RIMS1: variants seen among roughly 807,000 people sequenced by gnomAD.
RIMS1 encodes regulating synaptic membrane exocytosis protein 1.
Under a neutral mutation model 214.1 loss-of-function variants are expected in RIMS1, and 83 were observed. The ratio of observed to expected loss-of-function variants is 0.39; its 90% CI spans 0.32 to 0.47. The LOEUF is 0.47. RIMS1 is among the 20% of genes least tolerant of loss of function. The pLI, the probability that RIMS1 is intolerant of heterozygous loss-of-function variation, is 0.99. For missense variants in RIMS1, 2,050 were observed against 2,161.8 expected, an observed-to-expected ratio of 0.95 and a Z score of 1.03; for synonymous variants, 793 against 786.8, an observed-to-expected ratio of 1.01 and a Z score of -0.13.
intron 4 of RIMS1, among the ~76,000 whole-genome samples, chr6:72,155,692 T>G (rs2044345762): frequency 7.1e-6 from 1 of 140,116 alleles, no homozygotes; most frequent in African/African-American, 2.5e-5. Flanking sequence ...TTTAAAACCA[T>G]CAGATCTAGT....
At chr6:71,896,732 C>T (rs1280808593) in intron 1 of RIMS1, among the ~76,000 whole-genome samples, 1 of 152,168 alleles carries the variant, frequency 6.6e-6, no homozygotes, top group African/African-American at 2.4e-5. Context: ...GAAGCTCCCT[C>T]TTGCCCTTGC....
chr6:72,088,605 G>A (rs1409700471), intron 2 of RIMS1, among the ~76,000 whole-genome samples: 1 of 152,104 alleles, frequency 6.6e-6, no homozygotes, highest in Non-Finnish European at 1.5e-5. Context: ...AGGAATTCAT[G>A]TTGCTCTCAT....
chr6:71,917,994 A>T (rs191314019), intron 1 of RIMS1, among the ~76,000 whole-genome samples: 29 of 152,192 alleles, frequency 1.9e-4, no homozygotes, highest in African/African-American at 7.0e-4. Flanking sequence ...GGACATGTAA[A>T]CTTTGAGATG....
chr6:72,262,902 A>G (rs2078693758), intron 19 of RIMS1: 1 of 496,086 alleles, frequency 2.0e-6, no homozygotes, highest in Non-Finnish European at 2.6e-6. Flanking sequence ...TTTAATAACA[A>G]GCACAGTGTT....
intron 23 of RIMS1, among the ~76,000 whole-genome samples, chr6:72,283,027 A>G (rs1251291628): frequency 6.6e-6 from 1 of 152,064 alleles, no homozygotes; most frequent in Non-Finnish European, 1.5e-5. Flanking sequence ...ATGTGTTCCT[A>G]GTGCCTAGCA....
chr6:72,352,076 G>C (rs913851192), intron 29 of RIMS1, among the ~76,000 whole-genome samples: 1 of 152,206 alleles, frequency 6.6e-6, no homozygotes, highest in Non-Finnish European at 1.5e-5. Flanking sequence ...CATTGAAGTT[G>C]GCCGAGGAGG....
At chr6:72,396,080 T>C (rs1454443562) in intron 31 of RIMS1, among the ~76,000 whole-genome samples, 4 of 152,014 alleles carry the variant, frequency 2.6e-5, no homozygotes, top group African/African-American at 9.7e-5. Flanking sequence ...AATGGGATTT[T>C]TTTTTCATGA....
intron 6 of RIMS1, among the ~76,000 whole-genome samples, chr6:72,186,211 G>C (rs2049072780): frequency 6.6e-6 from 1 of 152,206 alleles, no homozygotes; most frequent in South Asian, 2.1e-4. Flanking sequence ...TGTTATTCAA[G>C]CATCAACTGT....
chr6:72,189,491 G>A (rs902896605), intron 6 of RIMS1, among the ~76,000 whole-genome samples: 2 of 152,240 alleles, frequency 1.3e-5, no homozygotes, highest in African/African-American at 2.4e-5. Context: ...ATTGCATGCA[G>A]GATAGGCAAA....
In RIMS1 at chr6:72,258,164, C is replaced by T. The variant is rs751550262; in HGVS notation, c.2810C>T (p.Thr937Ile). 2 of 1,613,168 alleles carry T rather than the reference C, an allele frequency of 1.2e-6. No individual in the cohort carries two copies. Among genetic ancestry groups the T allele is most frequent in the South Asian group, 2.2e-5 (2 of 91,028 alleles). ...AGTGCTAGAGAAAGTAAATCTACAA[C>T]ATTAACTGTGCCAGAACAGCAAAGA... Reference protein sequence around the residue: ...RSSARESKSTTLTVPEQQRTT... With the variant: ...RSSARESKSTILTVPEQQRTT... The change falls in exon 17 of 34, where the codon ACA becomes ATA. Residue 937 changes from threonine (T) to isoleucine (I), a missense_variant. Coordinates refer to ENST00000521978, the MANE Select transcript of RIMS1 (RefSeq NM_014989.7).
At chr6:72,052,786 AC>A (rs1216815193) in intron 2 of RIMS1, among the ~76,000 whole-genome samples, 6 of 152,148 alleles carry the variant, frequency 3.9e-5, no homozygotes, top group Admixed American at 3.9e-4. Flanking sequence ...TTGTTGCTTG[AC>A]TAGTAATATA....
At chr6:72,171,267 A>G (rs1329374807) in intron 4 of RIMS1, among the ~76,000 whole-genome samples, 1 of 150,978 alleles carries the variant, frequency 6.6e-6, no homozygotes, top group Non-Finnish European at 1.5e-5. Context: ...ATGTAATATA[A>G]TTCATATTGA....
At chr6:71,979,496 A>T (rs1002532202) in intron 2 of RIMS1, among the ~76,000 whole-genome samples, 2 of 152,096 alleles carry the variant, frequency 1.3e-5, no homozygotes, top group Admixed American at 1.3e-4. Context: ...ATAAAGTAGT[A>T]TATAAATATT....
intron 1 of RIMS1, among the ~76,000 whole-genome samples, chr6:71,940,423 G>A (rs776834680): frequency 5.3e-5 from 8 of 152,132 alleles, no homozygotes; most frequent in Non-Finnish European, 1.2e-4. Context: ...TTGCATGGAT[G>A]GAAGAGTGAA....
At chr6:72,244,178 C>T (rs996518114) in intron 10 of RIMS1, among the ~76,000 whole-genome samples, 2 of 151,552 alleles carry the variant, frequency 1.3e-5, no homozygotes, top group Non-Finnish European at 3.0e-5. Context: ...AGGCATCAGC[C>T]ATCTTGAGGT....
intron 1 of RIMS1, among the ~76,000 whole-genome samples, chr6:71,935,059 G>A (rs376517150): frequency 6.6e-6 from 1 of 152,166 alleles, no homozygotes; most frequent in African/African-American, 2.4e-5. Context: ...CAGTTTGAGT[G>A]GGGAAAAAAT....
intron 29 of RIMS1, among the ~76,000 whole-genome samples, chr6:72,334,373 G>A (rs2096771168): frequency 6.6e-6 from 1 of 151,814 alleles, no homozygotes; most frequent in Non-Finnish European, 1.5e-5. Context: ...TATGCAAGGA[G>A]TAATGTTTTA....
chr6:71,930,809 A>G (rs984447277), intron 1 of RIMS1, among the ~76,000 whole-genome samples: 1 of 152,054 alleles, frequency 6.6e-6, no homozygotes, highest in Admixed American at 6.6e-5. Context: ...GATATCTGGT[A>G]TAAGTGTTTA....
intron 6 of RIMS1, among the ~76,000 whole-genome samples, chr6:72,221,124 G>A (rs1589455429): frequency 1.3e-5 from 2 of 152,078 alleles, no homozygotes; most frequent in East Asian, 1.9e-4. Context: ...GTCTTTAAAC[G>A]TAATATCTTT....
Sources: gnomAD v4.1 joint callset for allele counts (sites outside exome capture counted in the v4.1 genomes callset) on GRCh38, gnomAD v4.1.1 for gene constraint, MANE v1.5 for transcripts, NCBI Gene and HGNC (gene_info 2026-07-23, HGNC 2026-07-21) for gene names.